Variants in CNTN4 observed in about 807,000 individuals in gnomAD.
CNTN4 encodes contactin-4.
Under a neutral mutation model 122.5 loss-of-function variants are expected in CNTN4, and 77 were observed. The observed-to-expected ratio is 0.63, with a 90% CI of 0.52 to 0.76. CNTN4 has a LOEUF of 0.76. Ranked by LOEUF, CNTN4 falls within the 30% of genes least tolerant of loss-of-function variation. The pLI, the probability that CNTN4 is intolerant of heterozygous loss-of-function variation, is 0.00. For missense variants in CNTN4, 1,256 were observed against 1,259.1 expected, an observed-to-expected ratio of 1.00 and a Z score of 0.04; for synonymous variants, 512 against 447.0, an observed-to-expected ratio of 1.15 and a Z score of -1.83.
intron 2 of CNTN4, among the ~76,000 whole-genome samples, chr3:2,114,885 A>G (rs1684555629): frequency 6.6e-6 from 1 of 152,210 alleles, no homozygotes; most frequent in African/African-American, 2.4e-5. Context: ...TGCTAATAAC[A>G]TTTGCTGTCC....
At chr3:2,605,341 G>C (rs1388846645) in intron 4 of CNTN4, among the ~76,000 whole-genome samples, 1 of 152,182 alleles carries the variant, frequency 6.6e-6, no homozygotes, top group African/African-American at 2.4e-5. Flanking sequence ...AGTGAGTGAA[G>C]ACAGTGTTAG....
intron 2 of CNTN4, chr3:2,238,766 C>A (rs1239030592): frequency 1.2e-5 from 1 of 81,062 alleles, no homozygotes; most frequent in South Asian, 6.8e-4. Flanking sequence ...CTGGCCCTGT[C>A]GCCCAGGCTG....
intron 14 of CNTN4, among the ~76,000 whole-genome samples, chr3:3,008,630 G>A (rs1019199750): frequency 2.9e-4 from 44 of 152,084 alleles, no homozygotes; most frequent in Non-Finnish European, 1.2e-4. Context: ...AAGTCGTTCC[G>A]TGTCTAAGAA....
At chr3:2,897,515 T>A (rs2094128562) in intron 10 of CNTN4, among the ~76,000 whole-genome samples, 1 of 152,200 alleles carries the variant, frequency 6.6e-6, no homozygotes, top group East Asian at 1.9e-4. Context: ...TCCTCTGAGT[T>A]GATACAGGTT....
intron 3 of CNTN4, among the ~76,000 whole-genome samples, chr3:2,463,344 G>A (rs2049298923): frequency 6.6e-6 from 1 of 152,176 alleles, no homozygotes; most frequent in African/African-American, 2.4e-5. Flanking sequence ...AAAAGCATGT[G>A]GGAGGACCTA....
At chr3:2,799,787 C>G (rs2092301866) in intron 6 of CNTN4, among the ~76,000 whole-genome samples, 1 of 152,048 alleles carries the variant, frequency 6.6e-6, no homozygotes, top group Non-Finnish European at 1.5e-5. Context: ...AAGCCTTTCA[C>G]ATAGCTCGAG....
intron 3 of CNTN4, among the ~76,000 whole-genome samples, chr3:2,533,948 G>C (rs2077698155): frequency 7.0e-6 from 1 of 143,660 alleles, no homozygotes; most frequent in South Asian, 2.5e-4. Flanking sequence ...CCCACTTTTT[G>C]ATGGTTTTTT....
intron 3 of CNTN4, among the ~76,000 whole-genome samples, chr3:2,445,358 T>G (rs1410108124): frequency 6.6e-6 from 1 of 150,582 alleles, no homozygotes; most frequent in Admixed American, 6.7e-5. Flanking sequence ...ATCCAGGTAT[T>G]ACCACCTGGG....
At position 2,872,081 on chromosome 3, in the gene CNTN4, G is replaced by GT. The variant is rs1297366668; in HGVS notation, c.652+5132_652+5133insT. 2.6e-5 allele frequency among the ~76,000 whole-genome samples: 4 copies of GT among 151,802 alleles called. No homozygotes were observed. In the East Asian group the frequency reaches 7.8e-4, roughly 30 times the overall value. Reference sequence around the variant, plus strand: ...ATTGATCCTTATTAGCACAGCTGTTGGTTATAAATAGTGATGAGCCTGCTC... The same window carrying GT: ...ATTGATCCTTATTAGCACAGCTGTTGTGTTATAAATAGTGATGAGCCTGCTC... On this transcript the variant is annotated intron_variant, in intron 8 of 24. Transcript: ENST00000418658.
chr3:2,729,308 T>C (rs1040325865), intron 4 of CNTN4, among the ~76,000 whole-genome samples: 1 of 152,046 alleles, frequency 6.6e-6, no homozygotes, highest in African/African-American at 2.4e-5. Flanking sequence ...CTCACGCCTG[T>C]AATCCTAGCA....
intron 4 of CNTN4, among the ~76,000 whole-genome samples, chr3:2,633,222 C>T (rs2082520271): frequency 6.6e-6 from 1 of 152,112 alleles, no homozygotes; most frequent in Admixed American, 6.6e-5. Flanking sequence ...CAGCTGGGAG[C>T]ACTGTTCACA....
chr3:2,612,906 C>T (rs770697292), intron 4 of CNTN4, among the ~76,000 whole-genome samples: 1 of 152,108 alleles, frequency 6.6e-6, no homozygotes, highest in Non-Finnish European at 1.5e-5. Flanking sequence ...CCTTAGTGAC[C>T]TTGAGACAGA....
intron 2 of CNTN4, among the ~76,000 whole-genome samples, chr3:2,314,764 A>G (rs1237977131): frequency 6.6e-6 from 1 of 152,012 alleles, no homozygotes; most frequent in Non-Finnish European, 1.5e-5. Flanking sequence ...AAAAATTTGC[A>G]AATCTTAAAC....
chr3:2,182,461 C>T (rs868105969), intron 2 of CNTN4, among the ~76,000 whole-genome samples: 1 of 135,612 alleles, frequency 7.4e-6, no homozygotes, highest in Non-Finnish European at 1.8e-5. Flanking sequence ...TAAGAAATTC[C>T]AAGTTAAGTC....
intron 12 of CNTN4, among the ~76,000 whole-genome samples, chr3:2,903,213 A>G (rs1179721349): frequency 1.3e-5 from 2 of 152,190 alleles, no homozygotes; most frequent in East Asian, 1.9e-4. Context: ...GATGCTTACA[A>G]TGGGGACCAT....
chr3:2,239,000 C>G (rs1426540124), intron 2 of CNTN4: 1 of 151,306 alleles, frequency 6.6e-6, no homozygotes, highest in Non-Finnish European at 1.5e-5. Flanking sequence ...GCTGGGATGA[C>G]AGGCGTGAGC....
At chr3:2,808,787 GT>G (rs538601765) in intron 6 of CNTN4, among the ~76,000 whole-genome samples, 79 of 152,350 alleles carry the variant, frequency 5.2e-4, no homozygotes, top group African/African-American at 1.8e-3. Flanking sequence ...ATGCGGGAAA[GT>G]AGGTGGCTCC....
intron 2 of CNTN4, among the ~76,000 whole-genome samples, chr3:2,183,597 A>T (rs17786692): frequency 0.18 from 26,694 of 152,140 alleles, 2,568 homozygotes; most frequent in South Asian, 0.24. Context: ...GTTAGGCGAG[A>T]GACAATAGAG....
intron 3 of CNTN4, among the ~76,000 whole-genome samples, chr3:2,504,458 T>G (rs1488501653): frequency 1.3e-5 from 2 of 152,164 alleles, no homozygotes; most frequent in Non-Finnish European, 2.9e-5. Context: ...TGTGAGAGGG[T>G]TGAGTGAGTG....
Sources: gnomAD v4.1 joint callset for allele counts (sites outside exome capture counted in the v4.1 genomes callset) on GRCh38, gnomAD v4.1.1 for gene constraint, MANE v1.5 for transcripts, NCBI Gene and HGNC (gene_info 2026-07-23, HGNC 2026-07-21) for gene names.